The following CDH2 variants were observed in gnomAD, a reference collection of about 807,000 sequenced individuals.
The protein encoded by CDH2 is cadherin 2.
In CDH2, 17 loss-of-function variants were observed where a neutral mutation model predicts 92.0. The ratio of observed to expected loss-of-function variants is 0.18; its 90% CI spans 0.13 to 0.28. CDH2 has a LOEUF of 0.28. Ranked by LOEUF, CDH2 falls within the 10% of genes least tolerant of loss-of-function variation. The pLI, the probability that CDH2 is intolerant of heterozygous loss-of-function variation, is 1.00. For synonymous variants in CDH2, 419 were observed against 415.9 expected (o/e 1.01, Z -0.09); for missense variants, 862 against 1,133.1 (o/e 0.76, Z 3.44).
downstream of CDH2, among the ~76,000 whole-genome samples, chr18:27,947,358 A>G (rs553339893): frequency 6.6e-6 from 1 of 151,992 alleles, no homozygotes; most frequent in South Asian, 2.1e-4. Flanking sequence ...GAAAGTATAT[A>G]CAATGTGAAA....
At chr18:28,170,871 T>C (rs2016453822) in intron 1 of CDH2, among the ~76,000 whole-genome samples, 1 of 151,878 alleles carries the variant, frequency 6.6e-6, no homozygotes, top group African/African-American at 2.4e-5. Context: ...ATAAATATCT[T>C]CGTATATGTA....
chr18:27,943,002 T>G (rs1909181642), intron 6 of CDH2, among the ~76,000 whole-genome samples: 1 of 152,184 alleles, frequency 6.6e-6, no homozygotes, highest in Non-Finnish European at 1.5e-5. Flanking sequence ...TTCATCTCCT[T>G]CCCCACCACA....
At chr18:27,968,317 AAAAT>A (rs1225814910) in intron 14 of CDH2, among the ~76,000 whole-genome samples, 4 of 152,376 alleles carry the variant, frequency 2.6e-5, no homozygotes, top group Admixed American at 6.5e-5. Flanking sequence ...CAGGGCAAGC[AAAAT>A]AAATAATCAA....
chr18:28,085,441 T>C (rs1160014222), intron 2 of CDH2, among the ~76,000 whole-genome samples: 1 of 152,056 alleles, frequency 6.6e-6, no homozygotes, highest in African/African-American at 2.4e-5. Context: ...CACCTCAGTA[T>C]CCTCATTTCC....
At chr18:28,151,461 C>T (rs1568018357) in intron 1 of CDH2, among the ~76,000 whole-genome samples, 1 of 152,170 alleles carries the variant, frequency 6.6e-6, no homozygotes, top group Non-Finnish European at 1.5e-5. Context: ...GAGTGCCAAG[C>T]TCAAAATGTC....
At chr18:27,988,709 T>C (rs776509684) in intron 10 of CDH2, 43 bp from the exon 11 acceptor site, 18 of 1,429,158 alleles carry the variant, frequency 1.3e-5, no homozygotes, top group Non-Finnish European at 1.6e-5. Flanking sequence ...TATGAAACTT[T>C]AAAAAAACAT....
rs1443177382 is a variant in CDH2 at position 27,943,305 on chromosome 18, T to C, written c.1152-10181A>G. Among the ~76,000 whole-genome samples the C allele has an allele frequency of 2.6e-5, 4 of 152,192 alleles. No homozygotes were observed. In the East Asian group the frequency reaches 7.7e-4, roughly 29 times the overall value. Reference sequence around the variant, plus strand: ...GAGCTAGACAGTTGGGCTTAATAAATCATGGCTCTGCCACTGACTAGCTCA... The same window carrying C: ...GAGCTAGACAGTTGGGCTTAATAAACCATGGCTCTGCCACTGACTAGCTCA... On this transcript the variant is annotated intron_variant, in intron 6 of 6. Transcript: ENST00000675173.
At chr18:28,066,186 A>G (rs983153980) in intron 2 of CDH2, among the ~76,000 whole-genome samples, 7 of 152,220 alleles carry the variant, frequency 4.6e-5, no homozygotes, top group African/African-American at 1.7e-4. Flanking sequence ...CTAAACAATA[A>G]TAAACAATAT....
In CDH2 at chr18:28,127,440, A is replaced by G. The variant is rs139355883; in HGVS notation, c.172+20233T>C. Among the ~76,000 whole-genome samples, 613 of 152,332 alleles carry G rather than the reference A, an allele frequency of 4.0e-3. 7 individuals are homozygous for G. The highest frequency in any genetic ancestry group is 0.014 in the African/African-American group (594 of 41,576). ...CCCTATCTGAAATTGGGACGCAGCC[A>G]TAAGCGCAAGGCCCTGCGGCAAAGG... On this transcript the variant is annotated intron_variant, in intron 2 of 15. Transcript: ENST00000269141.
At chr18:28,086,741 G>A (rs966928878) in intron 2 of CDH2, among the ~76,000 whole-genome samples, 1 of 152,104 alleles carries the variant, frequency 6.6e-6, no homozygotes, top group Non-Finnish European at 1.5e-5. Flanking sequence ...CATCTCATTA[G>A]AATTTCAGTA....
At chr18:27,956,665 C>T (rs1476118304) in intron 15 of CDH2, among the ~76,000 whole-genome samples, 1 of 152,156 alleles carries the variant, frequency 6.6e-6, no homozygotes, top group Non-Finnish European at 1.5e-5. Flanking sequence ...CTGTCTCAAA[C>T]GTTATTTGAT....
chr18:28,042,136 T>C (rs2013959530), intron 2 of CDH2, among the ~76,000 whole-genome samples: 1 of 152,182 alleles, frequency 6.6e-6, no homozygotes, highest in African/African-American at 2.4e-5. Flanking sequence ...TACTAGTACA[T>C]TCTAGTCTTA....
At position 28,175,719 on chromosome 18, in the gene CDH2, C is replaced by T. The variant is rs555407969; in HGVS notation, c.60+1244G>A. Among the ~76,000 whole-genome samples the T allele has an allele frequency of 2.0e-5, 3 of 152,366 alleles. No individual in the cohort carries two copies. The East Asian group carries it at 5.8e-4, about 29-fold the overall frequency. ...CCTGTCTCCACCCCCGGAGCAGGCACTTCCGAGCTGCGTCCGCACTTTTCG... is the reference window on the plus strand; with the variant it reads ...CCTGTCTCCACCCCCGGAGCAGGCATTTCCGAGCTGCGTCCGCACTTTTCG... On this transcript the variant is annotated intron_variant, in intron 1 of 15. Transcript: ENST00000269141.
At chr18:28,095,765 A>G (rs1315992303) in intron 2 of CDH2, among the ~76,000 whole-genome samples, 1 of 143,808 alleles carries the variant, frequency 7.0e-6, no homozygotes, top group Non-Finnish European at 1.5e-5. Context: ...AGCTGAGATC[A>G]TGTGACTGTA....
chr18:28,091,389 A>G (rs577261383), intron 2 of CDH2, among the ~76,000 whole-genome samples: 1 of 152,250 alleles, frequency 6.6e-6, no homozygotes, highest in African/African-American at 2.4e-5. Context: ...AATTCCCTTT[A>G]GTTCAGTTAG....
intron 2 of CDH2, among the ~76,000 whole-genome samples, chr18:28,096,543 T>C (rs1248088858): frequency 6.6e-6 from 1 of 152,144 alleles, no homozygotes; most frequent in Non-Finnish European, 1.5e-5. Context: ...AATTCCACTC[T>C]TAAGAACACA....
At chr18:27,976,756 TTG>T (rs1013544405) in intron 14 of CDH2, among the ~76,000 whole-genome samples, 6 of 152,188 alleles carry the variant, frequency 3.9e-5, no homozygotes, top group African/African-American at 1.4e-4. Context: ...TGAAACTGCA[TTG>T]TGTCAGGTGA....
intron 2 of CDH2, among the ~76,000 whole-genome samples, chr18:28,107,976 A>T (rs1254087563): frequency 1.3e-5 from 2 of 152,216 alleles, no homozygotes; most frequent in African/African-American, 4.8e-5. Flanking sequence ...ATCTTCAAAG[A>T]ACTTTCTTGT....
chr18:28,055,556 G>A (rs2014275532), intron 2 of CDH2, among the ~76,000 whole-genome samples: 1 of 152,092 alleles, frequency 6.6e-6, no homozygotes, highest in African/African-American at 2.4e-5. Context: ...TCTAGGATAC[G>A]TTTCTGTCTG....
Sources: gnomAD v4.1 joint callset for allele counts (sites outside exome capture counted in the v4.1 genomes callset) on GRCh38, gnomAD v4.1.1 for gene constraint, MANE v1.5 for transcripts, NCBI Gene and HGNC (gene_info 2026-07-23, HGNC 2026-07-21) for gene names.